TTLL4: variants seen among roughly 807,000 people sequenced by gnomAD.
TTLL4 encodes tubulin monoglutamylase TTLL4.
A neutral mutation model predicts 122.7 loss-of-function variants in TTLL4; 85 were observed. That is an observed-to-expected ratio of 0.69 (90% CI 0.58 to 0.83). The LOEUF (loss-of-function observed/expected upper bound fraction) is 0.83, where lower values mean the gene tolerates loss of function less well. Among genes scored for constraint, TTLL4 ranks in the 40% least tolerant of loss-of-function variants. TTLL4 has a pLI of 0.00. For synonymous variants in TTLL4, 553 were observed against 563.0 expected, an observed-to-expected ratio of 0.98 and a Z score of 0.25; for missense variants, 1,363 against 1,488.6, an observed-to-expected ratio of 0.92 and a Z score of 1.39.
chr2:218,737,682 C>T lies in TTLL4; in HGVS notation c.6C>T (p.Ala2=), dbSNP rs758816293. M[A]SAGTQHYSIG... is the part of the protein sequence containing the mutation. ...GGCCATGATGTGGGCCCCTCATGGC[C>T]TCAGCAGGAACACAGCACTATAGTA... Residue 2 remains alanine, a synonymous_variant, in exon 3 of 20, where the codon GCC becomes GCT. Coordinates refer to ENST00000392102, the MANE Select transcript of TTLL4 (RefSeq NM_014640.5). The T allele has an allele frequency of 1.9e-6, 3 of 1,590,924 alleles. No individual in the cohort carries two copies. The highest frequency in any genetic ancestry group is 1.7e-5 in the Admixed American group (1 of 57,848).
In TTLL4 at chr2:218,750,162, C is replaced by A. The variant is rs757071479; in HGVS notation, c.2873+16C>A. 1.2e-5 allele frequency: 19 copies of A among 1,612,386 alleles called. 1 individual carries two copies. In the South Asian group the frequency reaches 1.9e-4, roughly 16 times the overall value. The stretch of plus-strand genomic sequence containing the variant: ...CCACCACCAGGTGAGGCCCCTATTT[C>A]TTCACAGCTCTGCTGGCAGCATGAG... On this transcript the variant is annotated intron_variant, in intron 15 of 19. Coordinates refer to ENST00000392102, the MANE Select transcript of TTLL4 (RefSeq NM_014640.5).
chr2:218,714,814 G>T (rs1040186651), intron 1 of TTLL4, among the ~76,000 whole-genome samples: 27 of 151,182 alleles, frequency 1.8e-4, no homozygotes, highest in African/African-American at 6.6e-4. Context: ...TCACTATATT[G>T]CCCAGGCTGG....
Position 218,737,579 on chromosome 2 carries a change from A to G in TTLL4, c.-98A>G, listed in dbSNP as rs1167282975. The stretch of plus-strand genomic sequence containing the variant: ...TTCCTATCATTTCTCTCCACTTCAG[A>G]CTGACAGACTTCAAGGATGCAGCTG... On this transcript the variant is annotated splice_region_variant and 5_prime_UTR_variant, in exon 3 of 20. Transcript: ENST00000392102. 7.3e-7 allele frequency: 1 copy of G among 1,365,602 alleles called. No homozygotes were observed. Among genetic ancestry groups the G allele is most frequent in the Admixed American group, 2.3e-5 (1 of 43,698 alleles). 84.6% of individuals were successfully genotyped at this position (1,365,602 alleles called of 1,614,324 possible). A position where few individuals can be genotyped will look rare whatever the true frequency, so the allele number is the denominator to read the frequency against.
At chr2:218,745,306 G>A (rs1942812068) in intron 6 of TTLL4, 73 bp downstream of exon 6, 3 of 1,598,894 alleles carry the variant, frequency 1.9e-6, no homozygotes, top group African/African-American at 1.3e-5. Context: ...GGGAGGAGGT[G>A]GCAGTAGGTA....
At chr2:218,753,712 TTG>T (rs780486372) in intron 19 of TTLL4, 43 bp downstream of exon 19, 10 of 1,600,136 alleles carry the variant, frequency 6.2e-6, no homozygotes, top group Non-Finnish European at 7.7e-6. Context: ...GGCTGTGAGT[TTG>T]TAGAGTTTTC....
At chr2:218,753,038 G>A (rs765493591) in intron 17 of TTLL4, 65 bp downstream of exon 17, 2 of 1,613,134 alleles carry the variant, frequency 1.2e-6, no homozygotes, top group Non-Finnish European at 1.7e-6. Context: ...AGTATACCAA[G>A]AAATGGGCCT....
At chr2:218,748,747 A>G (rs1187531350) in intron 12 of TTLL4, 89 bp from the exon 13 acceptor site, 2 of 1,149,210 alleles carry the variant, frequency 1.7e-6, no homozygotes, top group Non-Finnish European at 2.5e-6. Flanking sequence ...TATGAAGAAA[A>G]TACCATTAGG....
intron 6 of TTLL4, 33 bp downstream of exon 6, chr2:218,745,266 G>C: frequency 6.2e-7 from 1 of 1,612,510 alleles, no homozygotes; most frequent in Non-Finnish European, 8.5e-7. Context: ...GCCCAGAAGA[G>C]CCCCCGGGGA....
chr2:218,750,025 C>G lies in TTLL4; in HGVS notation c.2752C>G (p.Pro918Ala). Residue 918 changes from proline to alanine, a missense_variant, in exon 15 of 20, where the codon CCA (proline) becomes GCA (alanine). By Grantham distance (27) the Pro-to-Ala change is conservative. Transcript: ENST00000392102. ...TTTCTGAAGCCTCCACTCCAGCTCT[C>G]CACTGGATATCAGCATCAAAGGCCA... ...NISPSLHSSSPLDISIKGQMI... is the reference protein window; with the variant it reads ...NISPSLHSSSALDISIKGQMI... 1 of 1,614,076 alleles carries G rather than the reference C, an allele frequency of 6.2e-7. No homozygotes were observed. The highest frequency in any genetic ancestry group is 8.5e-7 in the Non-Finnish European group (1 of 1,179,976).
At position 218,753,577 on chromosome 2, in the gene TTLL4, C is replaced by T. The variant is rs775980975; in HGVS notation, c.3259-7C>T. 1.2e-6 allele frequency: 2 copies of T among 1,614,040 alleles called. No individual in the cohort carries two copies. The highest frequency in any genetic ancestry group is 2.2e-5 in the South Asian group (2 of 91,086). ...CCTTTTGGTCTCATTGCTTCCTTTGCTCTTAGTGGTCTCTCCCGACATCAC... is the reference window on the plus strand; with the variant it reads ...CCTTTTGGTCTCATTGCTTCCTTTGTTCTTAGTGGTCTCTCCCGACATCAC... On this transcript the variant is annotated splice_region_variant and splice_polypyrimidine_tract_variant and intron_variant, in intron 18 of 19. Coordinates refer to ENST00000392102, the MANE Select transcript of TTLL4 (RefSeq NM_014640.5).
chr2:218,747,543 C>T lies in TTLL4; in HGVS notation c.2250-54C>T. The T allele has an allele frequency of 1.9e-6, 3 of 1,600,716 alleles. No individual in the cohort carries two copies. The highest frequency in any genetic ancestry group is 2.6e-6 in the Non-Finnish European group (3 of 1,172,768). On this transcript the variant is annotated intron_variant, in intron 10 of 19. Coordinates refer to ENST00000392102, the MANE Select transcript of TTLL4 (RefSeq NM_014640.5). The surrounding 1 kb of genome is among the most constrained non-coding windows in gnomAD (Gnocchi z 4.7). ...GCTGGCTTTTCCTGTGGCTTGGTTA[C>T]CCACTGAGCCCCATCATCTGGCTGT... is the stretch of plus-strand genomic sequence containing the variant.
chr2:218,728,970 T>C (rs1420010170), intron 2 of TTLL4, among the ~76,000 whole-genome samples: 2 of 149,076 alleles, frequency 1.3e-5, no homozygotes, highest in African/African-American at 5.0e-5. Context: ...TTTGTTCTTG[T>C]TGCCCAGGCT....
intron 2 of TTLL4, among the ~76,000 whole-genome samples, chr2:218,733,489 C>T (rs1162667114): frequency 1.3e-5 from 2 of 152,340 alleles, no homozygotes; most frequent in East Asian, 3.9e-4. Context: ...AATCCGCCTC[C>T]ATGATCCAGT....
At chr2:218,746,303 A>G (rs1186089334) in intron 8 of TTLL4, 72 bp downstream of exon 8, 7 of 1,382,610 alleles carry the variant, frequency 5.1e-6, no homozygotes, top group Non-Finnish European at 6.1e-6. Context: ...TGATGTGAGT[A>G]GGGGGTAGGG....
At chr2:218,713,331 G>A (rs1360164909) in intron 1 of TTLL4, among the ~76,000 whole-genome samples, 1 of 152,220 alleles carries the variant, frequency 6.6e-6, no homozygotes, top group African/African-American at 2.4e-5. Context: ...AGGCTGGAGT[G>A]CCATGGTGTG....
intron 2 of TTLL4, among the ~76,000 whole-genome samples, chr2:218,730,211 T>C (rs1284466844): frequency 6.7e-6 from 1 of 149,122 alleles, no homozygotes; most frequent in African/African-American, 2.5e-5. Context: ...CTCATGCCTG[T>C]AATCCCAGTA....
At chr2:218,758,895 C>G (rs552845812), downstream of TTLL4, among the ~76,000 whole-genome samples, 1 of 152,200 alleles carries the variant, frequency 6.6e-6, no homozygotes, top group East Asian at 1.9e-4. Context: ...GTCCAACAAT[C>G]AGTGAATTAA....
intron 15 of TTLL4, among the ~76,000 whole-genome samples, chr2:218,750,452 G>C (rs1942985975): frequency 1.3e-5 from 2 of 152,102 alleles, no homozygotes; most frequent in South Asian, 4.1e-4. Context: ...AAGGCTAGAA[G>C]TTCACAGCTC....
At chr2:218,735,634 G>A (rs1942496427) in intron 2 of TTLL4, among the ~76,000 whole-genome samples, 1 of 151,534 alleles carries the variant, frequency 6.6e-6, no homozygotes, top group Admixed American at 6.6e-5. Context: ...CACTTGATGA[G>A]AATGTCAGGA....
Sources: gnomAD v4.1 joint callset for allele counts (sites outside exome capture counted in the v4.1 genomes callset) on GRCh38, gnomAD v4.1.1 for gene constraint, Gnocchi (gnomAD v3.1) non-coding constraint, MANE v1.5 for transcripts, NCBI Gene and HGNC (gene_info 2026-07-23, HGNC 2026-07-21) for gene names.